The following LIX1 variants were observed in gnomAD, a reference collection of about 807,000 sequenced individuals.
LIX1 encodes protein limb expression 1 homolog.
Under a neutral mutation model 33.4 loss-of-function variants are expected in LIX1, and 24 were observed. That is an observed-to-expected ratio of 0.72 (90% confidence interval 0.52 to 1.01). The LOEUF is 1.01. LIX1 is among the 50% of genes least tolerant of loss of function. LIX1 has a pLI of 0.00. For missense variants in LIX1, 311 were observed against 339.2 expected (o/e 0.92, Z 0.65); for synonymous variants, 124 against 124.0 (o/e 1.00, Z 0.00).
intron 1 of LIX1, among the ~76,000 whole-genome samples, chr5:97,126,637 CTTT>C (rs1016872695): frequency 1.6e-5 from 2 of 123,636 alleles, no homozygotes. Context: ...TATTTTCTTT[CTTT>C]TTTTTTTTTT....
At position 97,093,506 on chromosome 5, in the gene LIX1, G is replaced by A. The variant is rs991557481; in HGVS notation, c.*1242C>T. Reference sequence around the variant, plus strand: ...CTATCTAAAAATTAGTTTAGGCCAGGCATGGTGGCTCACACCTGTAATCTC... The same window carrying A: ...CTATCTAAAAATTAGTTTAGGCCAGACATGGTGGCTCACACCTGTAATCTC... On this transcript the variant is annotated 3_prime_UTR_variant, in exon 6 of 6. Coordinates refer to ENST00000274382, the MANE Select transcript of LIX1 (RefSeq NM_153234.5). 6.6e-6 allele frequency: 1 copy of A among 151,460 alleles called. No individual in the cohort carries two copies. The highest frequency in any genetic ancestry group is 6.6e-5 in the Admixed American group (1 of 15,176). The allele number at this position is 151,460 out of a possible 1,614,324, so 9.4% of individuals were successfully genotyped here.
At chr5:97,125,358 T>C (rs1012034406) in intron 1 of LIX1, among the ~76,000 whole-genome samples, 3 of 152,226 alleles carry the variant, frequency 2.0e-5, no homozygotes, top group Non-Finnish European at 4.4e-5. Context: ...GCAAATTAAA[T>C]TGTAGAAATT....
chr5:97,126,702 C>G (rs556255718), intron 1 of LIX1, among the ~76,000 whole-genome samples: 10 of 146,036 alleles, frequency 6.8e-5, no homozygotes, highest in Admixed American at 1.4e-4. Context: ...TGCAGTGGCA[C>G]GATCTCGGCT....
intron 1 of LIX1, among the ~76,000 whole-genome samples, chr5:97,131,264 G>A (rs897969017): frequency 2.0e-5 from 3 of 152,104 alleles, no homozygotes; most frequent in Non-Finnish European, 4.4e-5. Context: ...TCTGTACCTT[G>A]GTTCAAGTTC....
intron 1 of LIX1, among the ~76,000 whole-genome samples, chr5:97,125,017 C>T (rs1349552975): frequency 6.6e-6 from 1 of 151,870 alleles, no homozygotes; most frequent in Non-Finnish European, 1.5e-5. Context: ...AGACTTTATC[C>T]AGAGCTGTGA....
intron 1 of LIX1, among the ~76,000 whole-genome samples, chr5:97,139,006 T>C (rs1003847762): frequency 2.6e-5 from 4 of 151,040 alleles, no homozygotes; most frequent in Non-Finnish European, 4.4e-5. Flanking sequence ...AGATAAGGCA[T>C]ACTCAACCTG....
chr5:97,130,073 A>G (rs542324057), intron 1 of LIX1, among the ~76,000 whole-genome samples: 1 of 152,356 alleles, frequency 6.6e-6, no homozygotes, highest in South Asian at 2.1e-4. Context: ...TCTTCAGCCA[A>G]CTGCTGTGGT....
intron 4 of LIX1, among the ~76,000 whole-genome samples, chr5:97,099,099 T>A (rs77104633): frequency 0.011 from 1,733 of 150,972 alleles, 38 homozygotes; most frequent in African/African-American, 0.041. Context: ...GACCTCCCTG[T>A]CTGCACAGGG....
At chr5:97,136,447 C>A (rs1428352150) in intron 1 of LIX1, among the ~76,000 whole-genome samples, 6 of 152,174 alleles carry the variant, frequency 3.9e-5, no homozygotes, top group Admixed American at 3.3e-4. Context: ...AAAAATCAAC[C>A]ATTGGCAATC....
intron 1 of LIX1, among the ~76,000 whole-genome samples, chr5:97,140,093 C>G (rs1437846580): frequency 1.3e-5 from 2 of 152,066 alleles, no homozygotes; most frequent in African/African-American, 4.8e-5. Context: ...CAAAAGCCAA[C>G]TGAGGGCAAT....
intron 4 of LIX1, among the ~76,000 whole-genome samples, chr5:97,100,348 T>G (rs571588064): frequency 6.6e-6 from 1 of 152,284 alleles, no homozygotes; most frequent in Non-Finnish European, 1.5e-5. Flanking sequence ...GCAGCTTTTT[T>G]TTTCTCTCCA....
intron 1 of LIX1, among the ~76,000 whole-genome samples, chr5:97,138,448 C>T (rs1027012980): frequency 6.6e-5 from 10 of 152,286 alleles, no homozygotes; most frequent in African/African-American, 2.4e-4. Flanking sequence ...CTTAGGTATT[C>T]GGATGTGTAC....
At chr5:97,136,014 C>A (rs920846300) in intron 1 of LIX1, among the ~76,000 whole-genome samples, 1 of 152,128 alleles carries the variant, frequency 6.6e-6, no homozygotes, top group Non-Finnish European at 1.5e-5. Context: ...TATAAGAATG[C>A]TCAAGATCCT....
At chr5:97,126,243 G>A (rs1747917357) in intron 1 of LIX1, among the ~76,000 whole-genome samples, 2 of 152,162 alleles carry the variant, frequency 1.3e-5, no homozygotes, top group Admixed American at 1.3e-4. Flanking sequence ...ATATATTCTT[G>A]GATCTGCTTT....
chr5:97,108,050 A>G (rs914929147), intron 2 of LIX1, among the ~76,000 whole-genome samples: 2 of 152,190 alleles, frequency 1.3e-5, no homozygotes, highest in Non-Finnish European at 2.9e-5. Flanking sequence ...AGTAGGGTTG[A>G]GGTTAGGATC....
intron 1 of LIX1, among the ~76,000 whole-genome samples, chr5:97,129,868 G>A (rs1748016376): frequency 6.6e-6 from 1 of 152,222 alleles, no homozygotes; most frequent in African/African-American, 2.4e-5. Context: ...GTAGGCATGA[G>A]AGCCTTCCCC....
chr5:97,126,927 C>T (rs31011), intron 1 of LIX1, among the ~76,000 whole-genome samples: 3 of 152,036 alleles, frequency 2.0e-5, no homozygotes, highest in Non-Finnish European at 4.4e-5. Context: ...CGTGAGCCAC[C>T]GTGCCCACCC....
chr5:97,118,710 A>G (rs986584672), intron 2 of LIX1, among the ~76,000 whole-genome samples: 4 of 152,222 alleles, frequency 2.6e-5, no homozygotes, highest in African/African-American at 7.2e-5. Context: ...ATTTTTAATC[A>G]GTAGATTATT....
rs1199200714 is a variant in LIX1, at chr5:97,092,543, T to C, written c.*2205A>G. On this transcript the variant is annotated 3_prime_UTR_variant, in exon 6 of 6. Transcript: ENST00000274382. ...TAAAGGGACCAGCAAAGATTCTGACTTTTATTTATTTTGCTGAAGCTTTCA... is the reference window on the plus strand; with the variant it reads ...TAAAGGGACCAGCAAAGATTCTGACCTTTATTTATTTTGCTGAAGCTTTCA... 1 of 152,398 alleles carries C rather than the reference T, an allele frequency of 6.6e-6. No homozygotes were observed. The highest frequency in any genetic ancestry group is 1.9e-4 in the East Asian group (1 of 5,338). 9.4% of individuals were successfully genotyped at this position (152,398 alleles called of 1,614,324 possible).
Sources: allele counts gnomAD v4.1 joint callset (sites outside exome capture counted in the v4.1 genomes callset), GRCh38; gene constraint gnomAD v4.1.1; transcripts MANE v1.5; gene names NCBI Gene and HGNC (gene_info 2026-07-23, HGNC 2026-07-21).